AARS1: variants seen among roughly 807,000 people sequenced by gnomAD.
The protein encoded by AARS1 is alanyl-tRNA synthetase 1.
In AARS1, 72 loss-of-function variants were observed where a neutral mutation model predicts 108.9. That is an observed-to-expected ratio of 0.66 (90% CI 0.55 to 0.80). AARS1 has a LOEUF of 0.80. Ranked by LOEUF, AARS1 falls within the 30% of genes least tolerant of loss-of-function variation. The pLI, the probability that AARS1 is intolerant of heterozygous loss-of-function variation, is 0.00. For synonymous variants in AARS1, 489 were observed against 465.7 expected (o/e 1.05, Z -0.64); for missense variants, 1,193 against 1,233.2 (o/e 0.97, Z 0.49).
chr16:70,281,137 T>C (rs1236279617), intron 2 of AARS1, among the ~76,000 whole-genome samples: 1 of 152,176 alleles, frequency 6.6e-6, no homozygotes, highest in African/African-American at 2.4e-5. Flanking sequence ...GCCTCAAATA[T>C]ATTTTTAATT....
rs1251770154 is a variant in AARS1, at chr16:70,269,748, G to A, written c.832C>T (p.Pro278Ser). 1.2e-6 allele frequency: 2 copies of A among 1,614,008 alleles called. No homozygotes were observed. Among genetic ancestry groups the A allele is most frequent in the African/African-American group, 2.7e-5 (2 of 74,904 alleles). ...TCAGCACCAACTTTCCCAGTGTATG[G>A]TCGGGCACCTGTGCCCTATAGATAA... ...EAIQKGTGAR[P>S]YTGKVGAEDA... The change falls in exon 7 of 21, where the codon CCA becomes TCA. Residue 278 changes from proline (P) to serine (S), a missense_variant. Pro to Ser is a moderately conservative substitution (Grantham distance 74, BLOSUM62 -1). Transcript: ENST00000261772.
chr16:70,281,253 G>A (rs141256397), intron 2 of AARS1, among the ~76,000 whole-genome samples: 8 of 152,308 alleles, frequency 5.3e-5, no homozygotes, highest in African/African-American at 4.8e-5. Context: ...TGGGCTGGGC[G>A]TGGTAGCTCA....
At chr16:70,289,150 C>A (rs1361713282) in intron 1 of AARS1, among the ~76,000 whole-genome samples, 2 of 152,148 alleles carry the variant, frequency 1.3e-5, no homozygotes, top group Non-Finnish European at 2.9e-5. Flanking sequence ...CCCACCCGCC[C>A]CTAGGGGATT....
intron 15 of AARS1, among the ~76,000 whole-genome samples, chr16:70,257,143 G>C (rs1258972368): frequency 6.6e-6 from 1 of 152,124 alleles, no homozygotes; most frequent in Admixed American, 6.6e-5. Context: ...CAGCTACTCA[G>C]GAGGCTGAGG....
At chr16:70,278,777 G>T (rs1245639872) in intron 2 of AARS1, among the ~76,000 whole-genome samples, 2 of 151,962 alleles carry the variant, frequency 1.3e-5, no homozygotes, top group Non-Finnish European at 2.9e-5. Context: ...CACCTAGCTG[G>T]GTGCCTAATA....
intron 2 of AARS1, among the ~76,000 whole-genome samples, chr16:70,280,145 G>T (rs1250500534): frequency 6.6e-6 from 1 of 152,018 alleles, no homozygotes; most frequent in Non-Finnish European, 1.5e-5. Flanking sequence ...TCCAACTCTT[G>T]GGCTCAAGCA....
chr16:70,262,364 C>A lies in AARS1; in HGVS notation c.1653G>T (p.Val551=). 6.2e-7 allele frequency: 1 copy of A among 1,614,206 alleles called. No homozygotes were observed. Among genetic ancestry groups the A allele is most frequent in the Non-Finnish European group, 8.5e-7 (1 of 1,180,038 alleles). The change falls in exon 12 of 21, where the codon GTG becomes GTT. Residue 551 remains valine, a synonymous_variant. Transcript: ENST00000261772. ...QIYDEGYLVK[V]DDSSEDKTEF... ...GGCTCACATCTTCACTGCTGTCATC[C>A]ACCTTCACCAGGTAGCCTTCGTCAT...
intron 2 of AARS1, among the ~76,000 whole-genome samples, chr16:70,281,724 T>C (rs978715986): frequency 6.6e-6 from 1 of 152,150 alleles, no homozygotes; most frequent in African/African-American, 2.4e-5. Context: ...TGGTAGAGCA[T>C]GCCTGTAGTC....
chr16:70,286,449 C>T (rs186947634), intron 1 of AARS1, among the ~76,000 whole-genome samples: 1 of 151,176 alleles, frequency 6.6e-6, no homozygotes, highest in African/African-American at 2.4e-5. Flanking sequence ...ATCACTTGGC[C>T]TTCCAGGCTC....
chr16:70,284,055 T>TA (rs531409112), intron 1 of AARS1, among the ~76,000 whole-genome samples: 39 of 151,822 alleles, frequency 2.6e-4, no homozygotes, highest in Middle Eastern at 3.4e-3. Context: ...GTACAAATAG[T>TA]AAAAAAATTA....
intron 2 of AARS1, among the ~76,000 whole-genome samples, chr16:70,279,964 C>T (rs1960655212): frequency 6.6e-6 from 1 of 152,096 alleles, no homozygotes; most frequent in East Asian, 1.9e-4. Context: ...GATCACGGCT[C>T]ACCTCAACTC....
intron 20 of AARS1, 87 bp from the exon 21 acceptor site, chr16:70,252,993 A>C: frequency 7.1e-7 from 1 of 1,413,972 alleles, no homozygotes; most frequent in Admixed American, 1.7e-5. Context: ...AGGAGCCATC[A>C]CCCACTCCTT....
chr16:70,283,059 G>A (rs866865891), intron 1 of AARS1, among the ~76,000 whole-genome samples: 3 of 152,094 alleles, frequency 2.0e-5, no homozygotes, highest in Non-Finnish European at 2.9e-5. Flanking sequence ...AAACAAATAT[G>A]TATCGAGCAT....
intron 1 of AARS1, among the ~76,000 whole-genome samples, chr16:70,287,209 C>A (rs1406642587): frequency 4.6e-5 from 6 of 129,920 alleles, no homozygotes; most frequent in Non-Finnish European, 7.8e-5. Flanking sequence ...GAGCCGAGAT[C>A]GCGCCACTGC....
chr16:70,286,153 C>A (rs537970627), intron 1 of AARS1, among the ~76,000 whole-genome samples: 25 of 152,112 alleles, frequency 1.6e-4, no homozygotes, highest in Middle Eastern at 3.4e-3. Flanking sequence ...CATTTGTTTA[C>A]CCCCATTTAT....
chr16:70,285,669 G>A (rs1029680008), intron 1 of AARS1, among the ~76,000 whole-genome samples: 6 of 151,990 alleles, frequency 3.9e-5, no homozygotes, highest in African/African-American at 9.7e-5. Context: ...GCCTGGTCTC[G>A]AACTCCTGAC....
Position 70,252,539 on chromosome 16 carries a change from C to T in AARS1, c.*182G>A, listed in dbSNP as rs1366829640. 6.1e-6 allele frequency: 4 copies of T among 657,534 alleles called. No homozygotes were observed. The highest frequency in any genetic ancestry group is 1.8e-5 in the South Asian group (1 of 56,244). 40.7% of individuals were successfully genotyped at this position (657,534 alleles called of 1,614,324 possible). On this transcript the variant is annotated 3_prime_UTR_variant, in exon 21 of 21. Transcript: ENST00000261772. ...AGTGGTTCTAGACCGATGGCACTGA[C>T]GTGGAGGGCTCAGGGCAGAAATTTA...
intron 12 of AARS1, 38 bp downstream of exon 12, chr16:70,262,308 G>A: frequency 6.2e-7 from 1 of 1,613,564 alleles, no homozygotes; most frequent in Non-Finnish European, 8.5e-7. Context: ...CTCCACGCCT[G>A]GCCCTCCTCG....
In AARS1 at chr16:70,253,324, G is replaced by A. The variant is rs751242154; in HGVS notation, c.2665C>T (p.Leu889Phe). The A allele has an allele frequency of 1.2e-6, 2 of 1,614,220 alleles. No individual in the cohort carries two copies. Among genetic ancestry groups the A allele is most frequent in the Non-Finnish European group, 1.7e-6 (2 of 1,180,026 alleles). Residue 889 changes from leucine to phenylalanine, a missense_variant, in exon 20 of 21, where the codon CTC (leucine) becomes TTC (phenylalanine). Leu to Phe is a conservative substitution (Grantham distance 22). Coordinates refer to ENST00000261772, the MANE Select transcript of AARS1 (RefSeq NM_001605.3). ...KMHSPQTSAM[L>F]FTVDNEAGKI... ...CCAGCCTCATTGTCCACCGTGAAGA[G>A]CATGGCAGAAGTCTGAGGGGAGTGC...
Sources: allele counts gnomAD v4.1 joint callset (sites outside exome capture counted in the v4.1 genomes callset), GRCh38; gene constraint gnomAD v4.1.1; transcripts MANE v1.5; gene names NCBI Gene and HGNC (gene_info 2026-07-23, HGNC 2026-07-21).